The following PCDHGA10 variants were observed in gnomAD, a reference collection of about 807,000 sequenced individuals.
The protein encoded by PCDHGA10 is protocadherin gamma-A10.
In PCDHGA10, 42 loss-of-function variants were observed where a neutral mutation model predicts 59.5. The ratio of observed to expected loss-of-function variants is 0.71; its 90% CI spans 0.55 to 0.91. The LOEUF (loss-of-function observed/expected upper bound fraction) is 0.91. Among genes scored for constraint, PCDHGA10 ranks in the 40% least tolerant of loss-of-function variants. The pLI is 0.00. For missense variants in PCDHGA10, 1,111 were observed against 1,198.2 expected (o/e 0.93, Z 1.07); for synonymous variants, 511 against 517.2 (o/e 0.99, Z 0.16).
In PCDHGA10 at chr5:141,414,843, G is replaced by A; in HGVS notation, c.1668G>A (p.Val556=). ...GCAACGTGTCGTTGAGCCTGTTTGT[G>A]CTGGACCAGAACGACAATGCGCCCG... ...LSSNVSLSLF[V]LDQNDNAPEI... Residue 556 remains valine, a synonymous_variant, in exon 1 of 4, where the codon GTG becomes GTA. Transcript: ENST00000398610. 3.7e-6 allele frequency: 6 copies of A among 1,614,218 alleles called. No individual in the cohort carries two copies. Among genetic ancestry groups the A allele is most frequent in the Non-Finnish European group, 5.1e-6 (6 of 1,180,046 alleles).
chr5:141,432,537 C>T lies in PCDHGA10; in HGVS notation c.2436+16926C>T, dbSNP rs367578838. Reference sequence around the variant, plus strand: ...GGCTACCTGGTGACCAAGGTGGTGGCGGTGGACAGAGACTCCGGCCAGAAC... The same window carrying T: ...GGCTACCTGGTGACCAAGGTGGTGGTGGTGGACAGAGACTCCGGCCAGAAC... On this transcript the variant is annotated intron_variant, in intron 1 of 3. Transcript: ENST00000398610. This position sits in a 1 kb window ranked among gnomAD's most constrained non-coding sequence, Gnocchi z 6.0. The T allele has an allele frequency of 5.6e-6, 9 of 1,613,882 alleles. No homozygotes were observed. The African/African-American group carries it at 6.7e-5, about 12-fold the overall frequency.
At chr5:141,449,436 A>T (rs1177598228) in intron 1 of PCDHGA10, among the ~76,000 whole-genome samples, 1 of 151,792 alleles carries the variant, frequency 6.6e-6, no homozygotes, top group African/African-American at 2.4e-5. Flanking sequence ...ATAAAACTCC[A>T]TCTCTACTAA....
chr5:141,419,905 T>G (rs916259620), intron 1 of PCDHGA10: 23 of 1,613,978 alleles, frequency 1.4e-5, no homozygotes, highest in Non-Finnish European at 1.9e-5. Context: ...CCACACCCTC[T>G]GACTCCCAGG....
At chr5:141,510,518 G>A (rs904482737) in intron 3 of PCDHGA10, among the ~76,000 whole-genome samples, 9 of 152,112 alleles carry the variant, frequency 5.9e-5, no homozygotes, top group Non-Finnish European at 1.0e-4. Flanking sequence ...CCGTGTCACA[G>A]CCCTGAGAGA....
chr5:141,495,818 GTTC>G (rs2099764072), intron 2 of PCDHGA10, among the ~76,000 whole-genome samples: 1 of 151,904 alleles, frequency 6.6e-6, no homozygotes, highest in South Asian at 2.1e-4. Context: ...AGCGCCTTGT[GTTC>G]TTCTATCCCC....
At chr5:141,421,979 G>A in intron 1 of PCDHGA10, 1 of 1,609,702 alleles carries the variant, frequency 6.2e-7, no homozygotes, top group Non-Finnish European at 8.5e-7. Context: ...TATCGCGTGA[G>A]TGTTCCAGAA....
chr5:141,418,699 C>A, intron 1 of PCDHGA10: 1 of 1,614,014 alleles, frequency 6.2e-7, no homozygotes, highest in Non-Finnish European at 8.5e-7. Context: ...TCACTTATTC[C>A]TTCTTTGGTG....
At chr5:141,455,244 T>A (rs977940552) in intron 1 of PCDHGA10, among the ~76,000 whole-genome samples, 4 of 152,142 alleles carry the variant, frequency 2.6e-5, no homozygotes, top group Non-Finnish European at 4.4e-5. Flanking sequence ...TTAAAGGTCA[T>A]AGTACAATCG....
At chr5:141,501,516 C>T (rs763346187) in intron 2 of PCDHGA10, among the ~76,000 whole-genome samples, 1 of 152,010 alleles carries the variant, frequency 6.6e-6, no homozygotes, top group African/African-American at 2.4e-5. Context: ...GGCCTCCAAG[C>T]TGAAGCCCAG....
chr5:141,491,571 C>G lies in PCDHGA10; in HGVS notation c.2437-3236C>G. The G allele has an allele frequency of 6.2e-7, 1 of 1,614,026 alleles. No individual in the cohort carries two copies. The highest frequency in any genetic ancestry group is 8.5e-7 in the Non-Finnish European group (1 of 1,180,042). ...CGCAGAGCCACTGCTACAGGACGTG[C>G]TTTTCACCGGCCTCGGACGGCAGTG... On this transcript the variant is annotated intron_variant, in intron 1 of 3. Transcript: ENST00000398610. This position sits in a 1 kb window ranked among gnomAD's most constrained non-coding sequence, Gnocchi z 6.9.
chr5:141,422,569 G>C, intron 1 of PCDHGA10: 2 of 1,613,984 alleles, frequency 1.2e-6, no homozygotes, highest in Non-Finnish European at 1.7e-6. Flanking sequence ...AGATGACAAC[G>C]ATAACCCTCC....
rs773232677 is a variant in PCDHGA10, at chr5:141,490,388, G to A, written c.2437-4419G>A. 2 of 1,614,206 alleles carry A rather than the reference G, an allele frequency of 1.2e-6. No homozygotes were observed. The highest frequency in any genetic ancestry group is 2.2e-5 in the East Asian group (1 of 44,878). The stretch of plus-strand genomic sequence containing the variant: ...CGAGACCGGGACTCAGGTAGAAATG[G>A]TGAAGTGAGCCTTGATATCTCTCCG... On this transcript the variant is annotated intron_variant, in intron 1 of 3. Transcript: ENST00000398610. The surrounding 1 kb of genome is among the most constrained non-coding windows in gnomAD (Gnocchi z 5.4).
rs11410533 is a variant in PCDHGA10, at chr5:141,429,387, TAAAA to T, written c.2436+13781_2436+13784del. Among the ~76,000 whole-genome samples, 383 of 151,446 alleles carry T rather than the reference TAAAA, an allele frequency of 2.5e-3. 1 individual carries two copies. The highest frequency in any genetic ancestry group is 4.2e-3 in the South Asian group (20 of 4,786). ...AAATGGAGAAAATGTGTTTTTTTTT[TAAAA>T]AAAATTGAGATTAAGGTCTCATTAT... On this transcript the variant is annotated intron_variant, in intron 1 of 3. Transcript: ENST00000398610.
At chr5:141,428,188 G>C (rs1023078587) in intron 1 of PCDHGA10, 1 of 1,433,232 alleles carries the variant, frequency 7.0e-7, no homozygotes, top group African/African-American at 1.4e-5. Flanking sequence ...GACAGCCGCC[G>C]CTCTCTGCGC....
intron 1 of PCDHGA10, chr5:141,484,904 C>A: frequency 2.5e-6 from 1 of 405,682 alleles, no homozygotes; most frequent in Non-Finnish European, 4.4e-6. Context: ...TCCAATGCTG[C>A]GACGCATTAA....
At chr5:141,494,991 G>A in intron 2 of PCDHGA10, 126 bp downstream of exon 2, 1 of 1,551,148 alleles carries the variant, frequency 6.4e-7, no homozygotes, top group Non-Finnish European at 8.7e-7. Context: ...AGATCCCAGG[G>A]AGGTCTTGGT....
intron 1 of PCDHGA10, chr5:141,418,840 C>T: frequency 6.2e-7 from 1 of 1,614,006 alleles, no homozygotes; most frequent in Middle Eastern, 1.6e-4. Context: ...GAGGATCTCT[C>T]TCAACACGGT....
At chr5:141,473,335 C>T (rs1243738475) in intron 1 of PCDHGA10, among the ~76,000 whole-genome samples, 3 of 152,184 alleles carry the variant, frequency 2.0e-5, no homozygotes, top group Non-Finnish European at 4.4e-5. Context: ...GCCTGCTGTG[C>T]TAGACAGTGA....
chr5:141,484,845 G>T (rs541372844), intron 1 of PCDHGA10, among the ~76,000 whole-genome samples: 10 of 152,076 alleles, frequency 6.6e-5, no homozygotes, highest in Admixed American at 2.6e-4. Flanking sequence ...GATAGGCTGG[G>T]TTTTTTGGGG....
Sources: gnomAD v4.1 joint callset for allele counts (sites outside exome capture counted in the v4.1 genomes callset) on GRCh38, gnomAD v4.1.1 for gene constraint, Gnocchi (gnomAD v3.1) non-coding constraint, MANE v1.5 for transcripts, NCBI Gene and HGNC (gene_info 2026-07-23, HGNC 2026-07-21) for gene names.